The following CLSTN2 variants were observed in gnomAD, a reference collection of about 807,000 sequenced individuals.
CLSTN2 encodes calsyntenin 2.
A neutral mutation model predicts 101.2 loss-of-function variants in CLSTN2; 48 were observed. The ratio of observed to expected loss-of-function variants is 0.47; its 90% CI spans 0.38 to 0.60. The LOEUF (loss-of-function observed/expected upper bound fraction) is 0.60, where lower values mean the gene tolerates loss of function less well. Ranked by LOEUF, CLSTN2 falls within the 20% of genes least tolerant of loss-of-function variation. The pLI is 0.00. For synonymous variants in CLSTN2, 481 were observed against 463.6 expected, an observed-to-expected ratio of 1.04 and a Z score of -0.48; for missense variants, 1,160 against 1,238.2, an observed-to-expected ratio of 0.94 and a Z score of 0.95.
chr3:140,379,074 G>T (rs1185663520), intron 2 of CLSTN2, among the ~76,000 whole-genome samples: 1 of 152,154 alleles, frequency 6.6e-6, no homozygotes, highest in Non-Finnish European at 1.5e-5. Context: ...AGCACATTCT[G>T]CTCCATTCCA....
chr3:140,478,672 T>C lies in CLSTN2; in HGVS notation c.1344+11941T>C, dbSNP rs575256623. ...GATTGCAGTGATGGTTGCACAACTA[T>C]ATAAATTTACTTAACACCACTGAAT... is the stretch of plus-strand genomic sequence containing the variant. On this transcript the variant is annotated intron_variant, in intron 8 of 16. Coordinates refer to ENST00000458420, the MANE Select transcript of CLSTN2 (RefSeq NM_022131.3). Among the ~76,000 whole-genome samples, 7 of 152,296 alleles carry C rather than the reference T, an allele frequency of 4.6e-5. 1 individual carries two copies. In the South Asian group the frequency reaches 1.5e-3, roughly 32 times the overall value.
chr3:140,562,787 G>A, intron 13 of CLSTN2, 24 bp from the exon 14 acceptor site: 1 of 1,611,626 alleles, frequency 6.2e-7, no homozygotes, highest in Non-Finnish European at 8.5e-7. Context: ...GCCTTCTGAT[G>A]ACAGGTGTGG....
chr3:140,344,452 G>A (rs1326203298), intron 2 of CLSTN2, among the ~76,000 whole-genome samples: 2 of 152,194 alleles, frequency 1.3e-5, no homozygotes, highest in Non-Finnish European at 2.9e-5. Context: ...GAGGCAGGAG[G>A]AGAGTGTGTA....
intron 8 of CLSTN2, among the ~76,000 whole-genome samples, chr3:140,522,759 C>T (rs926731212): frequency 5.9e-5 from 9 of 152,138 alleles, no homozygotes; most frequent in African/African-American, 1.7e-4. Context: ...TTATATTTAA[C>T]TTATTGATTT....
At chr3:140,389,320 G>A (rs558712274) in intron 2 of CLSTN2, among the ~76,000 whole-genome samples, 1 of 152,272 alleles carries the variant, frequency 6.6e-6, no homozygotes, top group South Asian at 2.1e-4. Flanking sequence ...CCCAGTGTGT[G>A]TTGTTCCCCT....
intron 2 of CLSTN2, among the ~76,000 whole-genome samples, chr3:140,240,284 A>G (rs892724706): frequency 4.9e-5 from 1 of 20,540 alleles, no homozygotes; most frequent in Non-Finnish European, 1.3e-4. Flanking sequence ...ACATATATAC[A>G]TATATACACA....
intron 5 of CLSTN2, among the ~76,000 whole-genome samples, chr3:140,434,046 A>G (rs2088663820): frequency 6.6e-6 from 1 of 152,190 alleles, no homozygotes; most frequent in African/African-American, 2.4e-5. Context: ...GGGCAGCCCC[A>G]GCCAGCCTGG....
At chr3:140,498,049 C>G (rs774004339) in intron 8 of CLSTN2, among the ~76,000 whole-genome samples, 1 of 152,148 alleles carries the variant, frequency 6.6e-6, no homozygotes, top group Non-Finnish European at 1.5e-5. Flanking sequence ...CTAGATATTT[C>G]GGTTGAAGGT....
At chr3:140,524,002 G>A (rs1935087623) in intron 8 of CLSTN2, among the ~76,000 whole-genome samples, 1 of 152,170 alleles carries the variant, frequency 6.6e-6, no homozygotes, top group African/African-American at 2.4e-5. Context: ...TCTCTAGTGG[G>A]TATTGTAAGC....
chr3:140,024,158 G>A (rs557998429), intron 1 of CLSTN2, among the ~76,000 whole-genome samples: 3 of 152,240 alleles, frequency 2.0e-5, no homozygotes, highest in Non-Finnish European at 4.4e-5. Flanking sequence ...CTCAATGCAA[G>A]AGTGTATGTA....
intron 1 of CLSTN2, among the ~76,000 whole-genome samples, chr3:140,124,667 G>T (rs1056077845): frequency 1.3e-5 from 2 of 152,180 alleles, no homozygotes; most frequent in Admixed American, 1.3e-4. Flanking sequence ...AGCCATCAGA[G>T]GCCCTGTTCT....
intron 1 of CLSTN2, among the ~76,000 whole-genome samples, chr3:140,173,819 G>A (rs944910192): frequency 6.6e-6 from 1 of 152,160 alleles, no homozygotes; most frequent in African/African-American, 2.4e-5. Flanking sequence ...CAGCTGGGAT[G>A]CAGGGCACCA....
intron 9 of CLSTN2, among the ~76,000 whole-genome samples, chr3:140,536,091 G>A (rs887150414): frequency 2.6e-5 from 4 of 151,806 alleles, no homozygotes; most frequent in Non-Finnish European, 5.9e-5. Context: ...ACCAACCAAG[G>A]AACAATAAAA....
intron 1 of CLSTN2, among the ~76,000 whole-genome samples, chr3:140,159,227 A>G (rs2010006663): frequency 6.6e-6 from 1 of 152,178 alleles, no homozygotes; most frequent in Non-Finnish European, 1.5e-5. Context: ...CTATCAACAG[A>G]ATAAGCAGAT....
At chr3:139,955,246 A>G (rs2107812075) in intron 1 of CLSTN2, among the ~76,000 whole-genome samples, 1 of 151,092 alleles carries the variant, frequency 6.6e-6, no homozygotes, top group East Asian at 2.0e-4. Context: ...AATCCTCACA[A>G]TGCCACTGAG....
chr3:140,521,047 C>A (rs1016863897), intron 8 of CLSTN2, among the ~76,000 whole-genome samples: 20 of 127,612 alleles, frequency 1.6e-4, no homozygotes, highest in African/African-American at 5.8e-4. Context: ...AGCTTTTTTG[C>A]ATTTTTTTTT....
Position 140,286,531 on chromosome 3 carries a change from T to G in CLSTN2, c.232+110458T>G, listed in dbSNP as rs186441703. On this transcript the variant is annotated intron_variant, in intron 2 of 16. Coordinates refer to ENST00000458420, the MANE Select transcript of CLSTN2 (RefSeq NM_022131.3). The stretch of plus-strand genomic sequence containing the variant: ...CATGTGGCAGACAGACAGTTATATA[T>G]GTATATTCTTTTGCCGCCCTCTATT... Among the ~76,000 whole-genome samples, 400 of 152,312 alleles carry G rather than the reference T, an allele frequency of 2.6e-3. 2 individuals carry two copies. The highest frequency in any genetic ancestry group is 4.5e-3 in the Non-Finnish European group (304 of 68,026).
intron 4 of CLSTN2, among the ~76,000 whole-genome samples, chr3:140,419,414 G>A (rs1233747019): frequency 1.4e-5 from 2 of 139,020 alleles, no homozygotes; most frequent in Non-Finnish European, 3.0e-5. Flanking sequence ...CCCAGGAGGT[G>A]AAAGATTGCA....
intron 1 of CLSTN2, among the ~76,000 whole-genome samples, chr3:140,045,988 T>A (rs2007871567): frequency 6.6e-6 from 1 of 152,124 alleles, no homozygotes; most frequent in Non-Finnish European, 1.5e-5. Flanking sequence ...GAAGAATGTA[T>A]ATTCTGTTGA....
Sources: allele counts gnomAD v4.1 joint callset (sites outside exome capture counted in the v4.1 genomes callset), GRCh38; gene constraint gnomAD v4.1.1; transcripts MANE v1.5; gene names NCBI Gene and HGNC (gene_info 2026-07-23, HGNC 2026-07-21).